The following AGO3 variants were observed in gnomAD, a reference collection of about 807,000 sequenced individuals.
The protein encoded by AGO3 is protein argonaute-3.
In AGO3, 16 loss-of-function variants were observed where a neutral mutation model predicts 105.5. That is an observed-to-expected ratio of 0.15 (90% CI 0.10 to 0.23). The LOEUF is 0.23. Among genes scored for constraint, AGO3 ranks in the 10% least tolerant of loss-of-function variants. The pLI is 1.00. For synonymous variants in AGO3, 340 were observed against 367.3 expected (o/e 0.93, Z 0.85); for missense variants, 534 against 1,088.0 (o/e 0.49, Z 7.16).
At chr1:35,975,741 G>C (rs1646944891) in intron 5 of AGO3, among the ~76,000 whole-genome samples, 1 of 151,964 alleles carries the variant, frequency 6.6e-6, no homozygotes, top group Non-Finnish European at 1.5e-5. Flanking sequence ...TCCAGTGAGT[G>C]GGAGAGGACA....
At position 36,069,883 on chromosome 1, in the gene AGO3, C is replaced by T. The variant is rs1643138909; in HGVS notation, c.*14138C>T. ...ACCAGCCTGGCCAACATGGCAAAAC[C>T]CCGTCTCTACTAAAGATACAAAAAT... On this transcript the variant is annotated 3_prime_UTR_variant, in exon 19 of 19. Transcript: ENST00000373191. 6.6e-6 allele frequency: 1 copy of T among 152,054 alleles called. No homozygotes were observed. The highest frequency in any genetic ancestry group is 1.5e-5 in the Non-Finnish European group (1 of 68,036). 9.4% of individuals were successfully genotyped at this position (152,054 alleles called of 1,614,324 possible). A position where few individuals can be genotyped will look rare whatever the true frequency, so the allele number is the denominator to read the frequency against.
At chr1:36,011,604 A>G (rs1181391530) in intron 9 of AGO3, among the ~76,000 whole-genome samples, 1 of 152,226 alleles carries the variant, frequency 6.6e-6, no homozygotes, top group African/African-American at 2.4e-5. Flanking sequence ...TAAAAAAAAT[A>G]AAACAGACTT....
At chr1:35,990,400 C>G (rs1011730229) in intron 5 of AGO3, among the ~76,000 whole-genome samples, 1 of 152,022 alleles carries the variant, frequency 6.6e-6, no homozygotes, top group Non-Finnish European at 1.5e-5. Context: ...CCCAGCTACT[C>G]GGGAGGCTGA....
chr1:35,950,592 C>T lies in AGO3; in HGVS notation c.191+4729C>T, dbSNP rs568353657. Among the ~76,000 whole-genome samples, 3 of 152,096 alleles carry T rather than the reference C, an allele frequency of 2.0e-5. No individual in the cohort carries two copies. In the South Asian group the frequency reaches 6.2e-4, roughly 32 times the overall value. On this transcript the variant is annotated intron_variant, in intron 2 of 18. Coordinates refer to ENST00000373191, the MANE Select transcript of AGO3 (RefSeq NM_024852.4). ...GGAGATTCTTTCCTTCCTTCTTTTC[C>T]CCCTATTAAATGATTTTGATTGAAT...
chr1:36,066,039 C>CA lies in AGO3; in HGVS notation c.*10309dup, dbSNP rs575467258. ...TGGGCAACAGAGTGAGACTCTGTCT[C>CA]AAAAAAAAAAAAAAATCGTTGTGCA... On this transcript the variant is annotated 3_prime_UTR_variant, in exon 19 of 19. Transcript: ENST00000373191. The CA allele has an allele frequency of 0.063, 6,683 of 105,692 alleles. 173 individuals are homozygous for CA. Among genetic ancestry groups the CA allele is most frequent in the African/African-American group, 0.087 (2,447 of 28,236 alleles). 6.5% of individuals were successfully genotyped at this position (105,692 alleles called of 1,614,324 possible).
rs150790137 is a variant in AGO3, at chr1:36,008,223, C to A, written c.794-467C>A. Among the ~76,000 whole-genome samples the A allele has an allele frequency of 2.6e-3, 403 of 152,136 alleles. 1 individual carries two copies. Among genetic ancestry groups the A allele is most frequent in the African/African-American group, 8.8e-3 (364 of 41,506 alleles). ...TCCTGCTTTATAAATCTTTAAAGGA[C>A]TTCTTTCTTGAGCTTTACAAAATTC... On this transcript the variant is annotated intron_variant, in intron 6 of 18. Transcript: ENST00000373191. This position sits in a 1 kb window ranked among gnomAD's most constrained non-coding sequence, Gnocchi z 5.1.
At chr1:36,022,590 A>G (rs918902956) in intron 11 of AGO3, among the ~76,000 whole-genome samples, 5 of 152,224 alleles carry the variant, frequency 3.3e-5, no homozygotes, top group African/African-American at 1.2e-4. Context: ...GTCAGATCCC[A>G]TTGATCATCC....
At chr1:35,951,230 C>T (rs913088121) in intron 2 of AGO3, among the ~76,000 whole-genome samples, 1 of 152,014 alleles carries the variant, frequency 6.6e-6, no homozygotes, top group Non-Finnish European at 1.5e-5. Context: ...GGATCACAGG[C>T]GTGAGCCACC....
At chr1:36,054,381 G>A (rs1317546886) in intron 17 of AGO3, among the ~76,000 whole-genome samples, 1 of 151,292 alleles carries the variant, frequency 6.6e-6, no homozygotes, top group Non-Finnish European at 1.5e-5. Context: ...CAAGTGATCT[G>A]CCTGCCTCAG....
rs78199667 is a variant in AGO3 at position 36,055,577 on chromosome 1, C to A, written c.2475-60C>A. On this transcript the variant is annotated intron_variant, in intron 18 of 18. Coordinates refer to ENST00000373191, the MANE Select transcript of AGO3 (RefSeq NM_024852.4). The surrounding 1 kb of genome is among the most constrained non-coding windows in gnomAD (Gnocchi z 4.4). Reference sequence around the variant, plus strand: ...ATTTTCTACAACAAATAGTATTTTTCGGAATTATTACATCAGAATAGAAAG... The same window carrying A: ...ATTTTCTACAACAAATAGTATTTTTAGGAATTATTACATCAGAATAGAAAG... The A allele has an allele frequency of 6.8e-7, 1 of 1,468,818 alleles. No individual in the cohort carries two copies. Among genetic ancestry groups the A allele is most frequent in the Non-Finnish European group, 9.5e-7 (1 of 1,055,752 alleles). The allele number at this position is 1,468,818 out of a possible 1,614,324, so 91.0% of individuals were successfully genotyped here.
chr1:35,933,867 T>G (rs1646100588), intron 1 of AGO3, among the ~76,000 whole-genome samples: 1 of 152,126 alleles, frequency 6.6e-6, no homozygotes, highest in African/African-American at 2.4e-5. Context: ...ACTGTTAAAT[T>G]TGTTTACATT....
chr1:35,962,738 G>A (rs758031438), intron 2 of AGO3, among the ~76,000 whole-genome samples: 3 of 151,870 alleles, frequency 2.0e-5, no homozygotes, highest in Non-Finnish European at 4.4e-5. Context: ...TCACTAGATG[G>A]AGATAAATAA....
intron 5 of AGO3, among the ~76,000 whole-genome samples, chr1:35,997,254 G>A (rs1454099936): frequency 6.6e-6 from 1 of 152,058 alleles, no homozygotes; most frequent in Non-Finnish European, 1.5e-5. Flanking sequence ...ACTCCAGCCT[G>A]GGTGACAAAG....
At chr1:36,022,882 T>C (rs2148829157) in intron 11 of AGO3, among the ~76,000 whole-genome samples, 1 of 150,446 alleles carries the variant, frequency 6.6e-6, no homozygotes, top group South Asian at 2.1e-4. Context: ...GATCGCTCCA[T>C]TGCACTTCAG....
rs1314905174 is a variant in AGO3 at position 36,027,739 on chromosome 1, G to A, written c.1591+441G>A. Among the ~76,000 whole-genome samples, 6 of 151,334 alleles carry A rather than the reference G, an allele frequency of 4.0e-5. No individual in the cohort carries two copies. Among genetic ancestry groups the A allele is most frequent in the Admixed American group, 2.0e-4 (3 of 15,210 alleles). On this transcript the variant is annotated intron_variant, in intron 12 of 18. Transcript: ENST00000373191. The surrounding 1 kb of genome is among the most constrained non-coding windows in gnomAD (Gnocchi z 4.0). ...GCTTGCAGTGAGCCGAGATCGCACC[G>A]GTGCACTCCAGCCTGGGCGACAGAG...
At chr1:35,994,042 ATTTTTTTTT>A (rs759085356) in intron 5 of AGO3, among the ~76,000 whole-genome samples, 2 of 65,840 alleles carry the variant, frequency 3.0e-5, no homozygotes, top group East Asian at 6.0e-4. Context: ...CTGCGCCCAG[ATTTTTTTTT>A]TTTTTTTTTT....
rs1643110143 is a variant in AGO3 at position 36,067,504 on chromosome 1, T to G, written c.*11759T>G. On this transcript the variant is annotated 3_prime_UTR_variant, in exon 19 of 19. Coordinates refer to ENST00000373191, the MANE Select transcript of AGO3 (RefSeq NM_024852.4). Reference sequence around the variant, plus strand: ...GCAGGTGGATCACAAGGTCAGGAGTTTGAGACCAGCGTGGCCAATATGGTG... The same window carrying G: ...GCAGGTGGATCACAAGGTCAGGAGTGTGAGACCAGCGTGGCCAATATGGTG... 6.6e-6 allele frequency: 1 copy of G among 152,182 alleles called. No individual in the cohort carries two copies. Among genetic ancestry groups the G allele is most frequent in the African/African-American group, 2.4e-5 (1 of 41,424 alleles). 9.4% of individuals were successfully genotyped at this position (152,182 alleles called of 1,614,324 possible). A position where few individuals can be genotyped will look rare whatever the true frequency, so the allele number is the denominator to read the frequency against.
At chr1:35,948,991 T>C (rs1646419968) in intron 2 of AGO3, among the ~76,000 whole-genome samples, 2 of 152,178 alleles carry the variant, frequency 1.3e-5, no homozygotes, top group Non-Finnish European at 2.9e-5. Context: ...TTGCCCAGGC[T>C]GGTATGCAAT....
chr1:36,034,430 C>T (rs1237872723), intron 13 of AGO3, 97 bp downstream of exon 13: 1 of 836,766 alleles, frequency 1.2e-6, no homozygotes, highest in Admixed American at 4.1e-5. Context: ...TGTAAGAGAC[C>T]CCCTTAATAA....
Sources: gnomAD v4.1 joint callset for allele counts (sites outside exome capture counted in the v4.1 genomes callset) on GRCh38, gnomAD v4.1.1 for gene constraint, Gnocchi (gnomAD v3.1) non-coding constraint, MANE v1.5 for transcripts, NCBI Gene and HGNC (gene_info 2026-07-23, HGNC 2026-07-21) for gene names.